The following RBFOX1 variants were observed in gnomAD, a reference collection of about 807,000 sequenced individuals.
RBFOX1 encodes the protein RNA binding protein fox-1 homolog 1.
A neutral mutation model predicts 57.7 loss-of-function variants in RBFOX1; 8 were observed. The ratio of observed to expected loss-of-function variants is 0.14; its 90% CI spans 0.08 to 0.25. The LOEUF (loss-of-function observed/expected upper bound fraction) is 0.25. Among genes scored for constraint, RBFOX1 ranks in the 10% least tolerant of loss-of-function variants. The pLI, the probability that RBFOX1 is intolerant of heterozygous loss-of-function variation, is 1.00. For synonymous variants in RBFOX1, 326 were observed against 222.4 expected, an observed-to-expected ratio of 1.47 and a Z score of -4.15; for missense variants, 611 against 548.5, an observed-to-expected ratio of 1.11 and a Z score of -1.14.
chr16:6,818,216 A>G (rs1603628510), intron 3 of RBFOX1, among the ~76,000 whole-genome samples: 3 of 152,088 alleles, frequency 2.0e-5, no homozygotes, highest in Non-Finnish European at 2.9e-5. Flanking sequence ...AGTTTGGCCA[A>G]CGAAATGTTA....
At chr16:7,455,185 C>A (rs778964832) in intron 4 of RBFOX1, among the ~76,000 whole-genome samples, 2 of 152,182 alleles carry the variant, frequency 1.3e-5, no homozygotes, top group Non-Finnish European at 2.9e-5. Context: ...ATTCTCTCTT[C>A]TGAATCCTTT....
intron 2 of RBFOX1, among the ~76,000 whole-genome samples, chr16:6,572,428 C>T (rs575199283): frequency 4.6e-5 from 7 of 152,280 alleles, no homozygotes; most frequent in Admixed American, 3.3e-4. Flanking sequence ...AAAAGAATGT[C>T]TAACCTTTGT....
At chr16:7,373,391 A>G (rs1218574125) in intron 4 of RBFOX1, among the ~76,000 whole-genome samples, 1 of 152,150 alleles carries the variant, frequency 6.6e-6, no homozygotes, top group African/African-American at 2.4e-5. Flanking sequence ...AGGCACAGTG[A>G]TCCTGAGATG....
chr16:6,430,967 GAAAAAAA>G (rs59044318), intron 2 of RBFOX1, among the ~76,000 whole-genome samples: 4 of 90,482 alleles, frequency 4.4e-5, no homozygotes, highest in South Asian at 4.0e-4. Context: ...CTCATCTCCA[GAAAAAAA>G]AAAAAAAAAA....
At chr16:5,461,338 C>A (rs542570611) in intron 1 of RBFOX1, among the ~76,000 whole-genome samples, 5 of 152,194 alleles carry the variant, frequency 3.3e-5, no homozygotes, top group Admixed American at 1.3e-4. Context: ...CCTCTCCTAG[C>A]GTTTCCCACG....
chr16:6,347,165 G>A lies in RBFOX1; in HGVS notation c.-64+30108G>A, dbSNP rs184568873. ...AGAAGTTCCTGGAATGGGCAATAAA[G>A]CCATTTGGACTTTTAACTTTCTGGC... On this transcript the variant is annotated intron_variant, in intron 2 of 15. Transcript: ENST00000550418. 8.5e-4 allele frequency among the ~76,000 whole-genome samples: 129 copies of A among 152,252 alleles called. 2 individuals carry two copies. The highest frequency in any genetic ancestry group is 3.1e-4 in the Non-Finnish European group (21 of 68,012).
At chr16:7,160,832 C>G (rs181452027) in intron 4 of RBFOX1, among the ~76,000 whole-genome samples, 6 of 140,462 alleles carry the variant, frequency 4.3e-5, no homozygotes, top group African/African-American at 1.8e-4. Flanking sequence ...CTCCTCCCTC[C>G]TCCTTCCTCC....
chr16:7,105,714 A>T (rs1010935417), intron 4 of RBFOX1, among the ~76,000 whole-genome samples: 10 of 152,028 alleles, frequency 6.6e-5, no homozygotes, highest in Admixed American at 1.3e-4. Flanking sequence ...CTATCTATAT[A>T]TGGAGATATA....
chr16:7,006,307 A>G (rs1245237088), intron 3 of RBFOX1, among the ~76,000 whole-genome samples: 1 of 152,074 alleles, frequency 6.6e-6, no homozygotes, highest in South Asian at 2.1e-4. Flanking sequence ...GGTACACACC[A>G]GTATACCCAG....
At chr16:6,000,330 T>C (rs2060575171) in intron 4 of RBFOX1, among the ~76,000 whole-genome samples, 1 of 152,100 alleles carries the variant, frequency 6.6e-6, no homozygotes. Flanking sequence ...ATGATGAAGA[T>C]CATGCCAAAG....
intron 1 of RBFOX1, among the ~76,000 whole-genome samples, chr16:5,403,624 T>G (rs879149178): frequency 6.6e-6 from 1 of 152,072 alleles, no homozygotes; most frequent in Non-Finnish European, 1.5e-5. Context: ...TTTTGTATTT[T>G]TAATAGAGAC....
intron 4 of RBFOX1, among the ~76,000 whole-genome samples, chr16:7,096,338 C>G (rs184871450): frequency 6.6e-6 from 1 of 152,284 alleles, no homozygotes; most frequent in Admixed American, 6.5e-5. Context: ...TGCAGATCAT[C>G]TCACCATGTC....
chr16:7,405,995 T>C (rs1325009293), intron 4 of RBFOX1, among the ~76,000 whole-genome samples: 3 of 152,158 alleles, frequency 2.0e-5, no homozygotes, highest in Admixed American at 6.5e-5. Flanking sequence ...GATGCTGCAA[T>C]TGATCCTGCA....
chr16:7,413,504 C>A (rs2098449843), intron 4 of RBFOX1, among the ~76,000 whole-genome samples: 1 of 152,142 alleles, frequency 6.6e-6, no homozygotes, highest in East Asian at 1.9e-4. Context: ...GCCTGGGGAC[C>A]ACACTTTGCA....
At chr16:6,181,843 A>C (rs1388169391) in intron 1 of RBFOX1, among the ~76,000 whole-genome samples, 1 of 152,088 alleles carries the variant, frequency 6.6e-6, no homozygotes, top group East Asian at 1.9e-4. Flanking sequence ...TCATGGTCTG[A>C]TGTGAATTGG....
chr16:5,283,312 A>T (rs1375509762), intron 1 of RBFOX1, among the ~76,000 whole-genome samples: 1 of 152,208 alleles, frequency 6.6e-6, no homozygotes, highest in East Asian at 1.9e-4. Flanking sequence ...GAGCCCCCAC[A>T]TAGAGTCCCT....
At chr16:7,145,520 G>C (rs1180655777) in intron 4 of RBFOX1, among the ~76,000 whole-genome samples, 1 of 149,948 alleles carries the variant, frequency 6.7e-6, no homozygotes, top group African/African-American at 2.5e-5. Flanking sequence ...TTCCCCTTTT[G>C]CCATGTGATT....
At chr16:5,395,244 T>C (rs1188041241) in intron 1 of RBFOX1, among the ~76,000 whole-genome samples, 1 of 152,230 alleles carries the variant, frequency 6.6e-6, no homozygotes, top group Non-Finnish European at 1.5e-5. Context: ...TAACTCTTCC[T>C]TGAAGGCCAG....
At chr16:5,499,276 A>T (rs979833011) in intron 2 of RBFOX1, among the ~76,000 whole-genome samples, 5 of 152,226 alleles carry the variant, frequency 3.3e-5, no homozygotes, top group Non-Finnish European at 7.3e-5. Context: ...TACTAGAGGA[A>T]TGACTGACTT....
Sources: allele counts gnomAD v4.1 joint callset (sites outside exome capture counted in the v4.1 genomes callset), GRCh38; gene constraint gnomAD v4.1.1; transcripts MANE v1.5; gene names NCBI Gene and HGNC (gene_info 2026-07-23, HGNC 2026-07-21).